Variants in EXO1 observed in about 807,000 individuals in gnomAD.
The protein encoded by EXO1 is exonuclease 1.
In EXO1, 69 loss-of-function variants were observed where a neutral mutation model predicts 84.5. The observed-to-expected ratio is 0.82, with a 90% confidence interval of 0.67 to 1.00. The LOEUF (loss-of-function observed/expected upper bound fraction) is 1.00, where lower values mean the gene tolerates loss of function less well. Ranked by LOEUF, EXO1 falls within the 50% of genes least tolerant of loss-of-function variation. The pLI is 0.00. For synonymous variants in EXO1, 373 were observed against 366.1 expected (o/e 1.02, Z -0.21); for missense variants, 1,045 against 1,000.7 (o/e 1.04, Z -0.60).
chr1:241,859,066 A>G (rs1460851043), intron 8 of EXO1, among the ~76,000 whole-genome samples: 2 of 152,172 alleles, frequency 1.3e-5, no homozygotes, highest in African/African-American at 4.8e-5. Flanking sequence ...GGATCCCTTT[A>G]CACTCCTCAA....
intron 15 of EXO1, among the ~76,000 whole-genome samples, chr1:241,886,433 G>GT (rs530285537): frequency 6.6e-6 from 1 of 151,968 alleles, no homozygotes; most frequent in Non-Finnish European, 1.5e-5. Flanking sequence ...TTTAATAAAA[G>GT]TTTTTTTTAA....
chr1:241,849,067 C>A (rs1660505051), intron 2 of EXO1, 40 bp downstream of exon 2: 1 of 152,194 alleles, frequency 6.6e-6, no homozygotes. Flanking sequence ...TTGAGGACCA[C>A]CTGCATCCAG....
rs899653950 is a variant in EXO1 at position 241,875,754 on chromosome 1, A to T, written c.1515-2995A>T. Among the ~76,000 whole-genome samples the T allele has an allele frequency of 2.8e-4, 43 of 152,278 alleles. No homozygotes were observed. In the Middle Eastern group the frequency reaches 0.014, roughly 49 times the overall value. The stretch of plus-strand genomic sequence containing the variant: ...TTAGCCGGGCGTGGTGGCGGGCGCT[A>T]GTAGTCCCAGCTGTTTGGGAGGCTG... On this transcript the variant is annotated intron_variant, in intron 12 of 15. Transcript: ENST00000366548.
chr1:241,868,105 T>A (rs1328407516), intron 11 of EXO1, among the ~76,000 whole-genome samples: 8 of 152,046 alleles, frequency 5.3e-5, no homozygotes, highest in Non-Finnish European at 2.9e-5. Context: ...CCGGGTGCGG[T>A]GGCTCACACC....
At chr1:241,887,137 A>G (rs879515234) in intron 15 of EXO1, among the ~76,000 whole-genome samples, 5 of 151,896 alleles carry the variant, frequency 3.3e-5, no homozygotes, top group Non-Finnish European at 5.9e-5. Flanking sequence ...GACTTTTTGT[A>G]CTCTGTGTTT....
chr1:241,853,270 G>A, intron 5 of EXO1, 88 bp from the exon 6 acceptor site: 1 of 1,473,732 alleles, frequency 6.8e-7, no homozygotes, highest in Non-Finnish European at 9.4e-7. Context: ...TTCAGTTCTA[G>A]GAAAGCTTCT....
At position 241,860,697 on chromosome 1, in the gene EXO1, G is replaced by C; in HGVS notation, c.937G>C (p.Ala313Pro). 2 of 1,611,656 alleles carry C rather than the reference G, an allele frequency of 1.2e-6. No homozygotes were observed. Among genetic ancestry groups the C allele is most frequent in the East Asian group, 2.2e-5 (1 of 44,850 alleles). The change falls in exon 9 of 16, where the codon GCT (alanine) becomes CCT (proline). Residue 313 changes from alanine to proline, a missense_variant. By Grantham distance (27) the Ala-to-Pro change is conservative (BLOSUM62 -1). Coordinates refer to ENST00000366548, the MANE Select transcript of EXO1 (RefSeq NM_130398.4). Reference sequence around the variant, plus strand: ...TGTTGATCCTGAAACACTAAGCTACGCTGGGCAGTATCCTTTCTGAAACAG... The same window carrying C: ...TGTTGATCCTGAAACACTAAGCTACCCTGGGCAGTATCCTTTCTGAAACAG... ...DDVDPETLSY[A>P]GQYVDDSIAL...
intron 15 of EXO1, among the ~76,000 whole-genome samples, chr1:241,885,880 T>A (rs1663044253): frequency 6.8e-6 from 1 of 147,228 alleles, no homozygotes; most frequent in South Asian, 2.2e-4. Context: ...TTTGAGAGAG[T>A]TTTGCTCTTG....
intron 6 of EXO1, among the ~76,000 whole-genome samples, chr1:241,856,480 T>C (rs1661046415): frequency 6.6e-6 from 1 of 152,052 alleles, no homozygotes; most frequent in African/African-American, 2.4e-5. Flanking sequence ...GTAAGATACA[T>C]TATTAGAGGA....
chr1:241,866,202 C>T (rs1661713526), intron 10 of EXO1, among the ~76,000 whole-genome samples: 1 of 152,208 alleles, frequency 6.6e-6, no homozygotes, highest in Admixed American at 6.5e-5. Context: ...CAACCTCTGC[C>T]TCCTGGGTTC....
At chr1:241,881,312 A>G (rs1662739178) in intron 13 of EXO1, among the ~76,000 whole-genome samples, 1 of 152,138 alleles carries the variant, frequency 6.6e-6, no homozygotes, top group South Asian at 2.1e-4. Flanking sequence ...GATTACAGGC[A>G]TGAGCCACCG....
At position 241,853,351 on chromosome 1, in the gene EXO1, C is replaced by T; in HGVS notation, c.282-7C>T. On this transcript the variant is annotated splice_polypyrimidine_tract_variant and splice_region_variant and intron_variant, in intron 5 of 15. Transcript: ENST00000366548. ...TTTTATATTTAAAAAATGTTCTTCC[C>T]TTGCAGAAGACGACAAGCCAATCTT... The T allele has an allele frequency of 1.2e-6, 2 of 1,613,672 alleles. No individual in the cohort carries two copies. The highest frequency in any genetic ancestry group is 1.7e-6 in the Non-Finnish European group (2 of 1,179,658).
At position 241,872,312 on chromosome 1, in the gene EXO1, T is replaced by C. The variant is rs964292224; in HGVS notation, c.1514+34T>C. 14 of 1,605,908 alleles carry C rather than the reference T, an allele frequency of 8.7e-6. No homozygotes were observed. The Admixed American group carries it at 1.7e-4, about 19-fold the overall frequency. On this transcript the variant is annotated intron_variant, in intron 12 of 15. Coordinates refer to ENST00000366548, the MANE Select transcript of EXO1 (RefSeq NM_130398.4). ...ATGTCTCCAGAATGTTGATTGTCTG[T>C]TGTATTATGTACTCTGTTGGTATTT...
intron 6 of EXO1, among the ~76,000 whole-genome samples, chr1:241,853,775 C>A (rs879927869): frequency 6.6e-6 from 1 of 151,998 alleles, no homozygotes; most frequent in African/African-American, 2.4e-5. Flanking sequence ...CAGTTTGGGA[C>A]GCTGAGGCAG....
chr1:241,854,231 G>T (rs552554347), intron 6 of EXO1, among the ~76,000 whole-genome samples: 2 of 152,224 alleles, frequency 1.3e-5, no homozygotes, highest in South Asian at 2.1e-4. Context: ...TCTGCCTCCC[G>T]GGTTAAAGCG....
rs374584094 is a variant in EXO1 at position 241,885,520 on chromosome 1, G to C, written c.2405+13G>C. ...TTGGATTTAAAAAGTGAGTTGCCTT[G>C]TTTCTTATTCTGAAACAAGATAAAC... On this transcript the variant is annotated intron_variant, in intron 15 of 15. Coordinates refer to ENST00000366548, the MANE Select transcript of EXO1 (RefSeq NM_130398.4). 6.3e-7 allele frequency: 1 copy of C among 1,587,776 alleles called. No homozygotes were observed. The highest frequency in any genetic ancestry group is 1.1e-5 in the South Asian group (1 of 90,532).
At chr1:241,883,464 C>G (rs1231340882) in intron 14 of EXO1, among the ~76,000 whole-genome samples, 13 of 152,120 alleles carry the variant, frequency 8.5e-5, no homozygotes, top group Non-Finnish European at 7.4e-5. Context: ...GCACTAATCT[C>G]ATTCATGAGG....
At chr1:241,874,749 G>A (rs1239809732) in intron 12 of EXO1, among the ~76,000 whole-genome samples, 1 of 152,218 alleles carries the variant, frequency 6.6e-6, no homozygotes, top group East Asian at 1.9e-4. Context: ...CCTTAGGGCC[G>A]ATGAAAGGAT....
At chr1:241,867,281 A>G (rs1661804132) in intron 11 of EXO1, among the ~76,000 whole-genome samples, 1 of 152,228 alleles carries the variant, frequency 6.6e-6, no homozygotes, top group African/African-American at 2.4e-5. Flanking sequence ...AGGCCTCACA[A>G]TTATGGTGGA....
Sources: gnomAD v4.1 joint callset for allele counts (sites outside exome capture counted in the v4.1 genomes callset) on GRCh38, gnomAD v4.1.1 for gene constraint, MANE v1.5 for transcripts, NCBI Gene and HGNC (gene_info 2026-07-23, HGNC 2026-07-21) for gene names.